The following HEXB variants were observed in gnomAD, a reference collection of about 807,000 sequenced individuals.
The protein encoded by HEXB is hexosaminidase subunit beta, also known as beta-hexosaminidase subunit beta.
In HEXB, 51 loss-of-function variants were observed where a neutral mutation model predicts 71.2. That is an observed-to-expected ratio of 0.72 (90% CI 0.57 to 0.90). HEXB has a LOEUF of 0.90. Among genes scored for constraint, HEXB ranks in the 40% least tolerant of loss-of-function variants. The probability of loss-of-function intolerance (pLI) is 0.00; values close to 1 mark genes in which losing one functional copy is unlikely to be tolerated. For missense variants in HEXB, 617 were observed against 677.0 expected (o/e 0.91, Z 0.98); for synonymous variants, 266 against 249.3 (o/e 1.07, Z -0.63).
At chr5:74,678,884 G>T (rs1189373998) in intron 1 of HEXB, among the ~76,000 whole-genome samples, 1 of 152,128 alleles carries the variant, frequency 6.6e-6, no homozygotes, top group Non-Finnish European at 1.5e-5. Context: ...GGCAAAAAAG[G>T]TTCTTAGTAG....
intron 2 of HEXB, among the ~76,000 whole-genome samples, chr5:74,691,451 G>A (rs533607347): frequency 4.0e-4 from 61 of 152,280 alleles, no homozygotes; most frequent in Admixed American, 1.5e-3. Context: ...AATACATCTT[G>A]TCAATCTATA....
rs1454896553 is a variant in HEXB at position 74,718,347 on chromosome 5, T to C, written c.1226T>C (p.Phe409Ser). The C allele has an allele frequency of 6.2e-7, 1 of 1,611,324 alleles. No individual in the cohort carries two copies. Among genetic ancestry groups the C allele is most frequent in the South Asian group, 1.1e-5 (1 of 91,046 alleles). Residue 409 changes from phenylalanine (F) to serine (S), a missense_variant, in exon 10 of 14, where the codon TTT becomes TCT. By Grantham distance (155) the Phe-to-Ser change is radical. Transcript: ENST00000261416. The stretch of plus-strand genomic sequence containing the variant: ...GGATCCATTGTCTGGCAGGAGGTTT[T>C]TGATGATAAAGCAAAGGTGAGCATT... ...NKGSIVWQEV[F>S]DDKAKLAPGT...
chr5:74,654,144 T>A (rs1008452531), intron 1 of HEXB, among the ~76,000 whole-genome samples: 54 of 152,140 alleles, frequency 3.5e-4, no homozygotes, highest in Non-Finnish European at 7.4e-5. Context: ...TAGGTGCTCC[T>A]GAGTGTGAGG....
intron 1 of HEXB, among the ~76,000 whole-genome samples, chr5:74,673,965 G>A (rs938795666): frequency 6.6e-6 from 1 of 152,070 alleles, no homozygotes; most frequent in Admixed American, 6.5e-5. Flanking sequence ...AATCAAAAGG[G>A]TCAGAATTTA....
At chr5:74,645,720 C>T (rs1364655864) in intron 1 of HEXB, among the ~76,000 whole-genome samples, 2 of 152,180 alleles carry the variant, frequency 1.3e-5, no homozygotes, top group Non-Finnish European at 2.9e-5. Context: ...GTGATCTAGA[C>T]TGCTTATGTT....
At chr5:74,655,495 TG>T (rs1748202311) in intron 1 of HEXB, among the ~76,000 whole-genome samples, 1 of 151,804 alleles carries the variant, frequency 6.6e-6, no homozygotes, top group Non-Finnish European at 1.5e-5. Flanking sequence ...TTTTTTTGTT[TG>T]TTTTTTTAAA....
chr5:74,660,285 T>C lies in HEXB; in HGVS notation c.-377+19727T>C, dbSNP rs191306396. 3.0e-3 allele frequency among the ~76,000 whole-genome samples: 463 copies of C among 152,338 alleles called. 3 individuals carry two copies. The highest frequency in any genetic ancestry group is 0.014 in the Middle Eastern group (4 of 294). ...AAGCCAACGATTACAATCCTGTTCC[T>C]GTTACCAGGCAGTTGATTTCCCAGC... On this transcript the variant is annotated intron_variant, in intron 1 of 13. Transcript: ENST00000511181.
chr5:74,643,892 C>A (rs753305161), intron 1 of HEXB, among the ~76,000 whole-genome samples: 1 of 152,178 alleles, frequency 6.6e-6, no homozygotes, highest in Non-Finnish European at 1.5e-5. Context: ...TCCAAAAGCG[C>A]CCTCTTTGTT....
chr5:74,654,102 T>G (rs781142032), intron 1 of HEXB, among the ~76,000 whole-genome samples: 4 of 152,156 alleles, frequency 2.6e-5, no homozygotes, highest in Non-Finnish European at 5.9e-5. Flanking sequence ...CCCAAGATCA[T>G]TCTTGTGGAC....
chr5:74,706,578 G>A (rs6870609), intron 6 of HEXB, among the ~76,000 whole-genome samples: 3,410 of 152,272 alleles, frequency 0.022, 125 homozygotes, highest in African/African-American at 0.078. Context: ...CGGGAAAATC[G>A]GGTCACTCCC....
chr5:74,713,645 T>A lies in HEXB; in HGVS notation c.901+10T>A. 6.2e-7 allele frequency: 1 copy of A among 1,607,308 alleles called. No homozygotes were observed. Among genetic ancestry groups the A allele is most frequent in the Non-Finnish European group, 8.5e-7 (1 of 1,173,990 alleles). On this transcript the variant is annotated intron_variant, in intron 7 of 13. Transcript: ENST00000261416. ...CTATCTTGGGGAAAAGGTAAGGAGT[T>A]GTATTTTATTTCATTTTATCTTATT...
rs1248023809 is a variant in HEXB at position 74,694,907 on chromosome 5, T to C, written c.511+1203T>C. Among the ~76,000 whole-genome samples, 4 of 151,482 alleles carry C rather than the reference T, an allele frequency of 2.6e-5. No homozygotes were observed. In the East Asian group the frequency reaches 7.8e-4, roughly 30 times the overall value. On this transcript the variant is annotated intron_variant, in intron 3 of 13. Transcript: ENST00000261416. ...ATTGCTTGAACCTGGGAGAGGGAGG[T>C]TGCAGTGAGCTGAGCTGGCACCACT... is the stretch of plus-strand genomic sequence containing the variant.
chr5:74,703,251 C>T (rs772511319), intron 5 of HEXB, among the ~76,000 whole-genome samples: 32 of 152,354 alleles, frequency 2.1e-4, no homozygotes, highest in Admixed American at 8.5e-4. Flanking sequence ...CTGTGCCCAG[C>T]CACTTTCCTT....
intron 7 of HEXB, among the ~76,000 whole-genome samples, chr5:74,714,132 G>T (rs1749619827): frequency 6.6e-6 from 1 of 152,202 alleles, no homozygotes; most frequent in African/African-American, 2.4e-5. Context: ...ACTGCGCCTG[G>T]CCAGGAGTTG....
At chr5:74,673,029 G>A (rs1748567047) in intron 1 of HEXB, among the ~76,000 whole-genome samples, 1 of 151,948 alleles carries the variant, frequency 6.6e-6, no homozygotes, top group Non-Finnish European at 1.5e-5. Context: ...CTTGGTACTT[G>A]GTCTGCATTA....
rs1480693920 is a variant in HEXB, at chr5:74,708,939, A to G, written c.771+3619A>G. On this transcript the variant is annotated intron_variant, in intron 6 of 13. Coordinates refer to ENST00000261416, the MANE Select transcript of HEXB (RefSeq NM_000521.4). ...ATTGAACTCAGCTCTGCACCAAGTGAACCTAATAGACATCTACAGAACTCT... is the reference window on the plus strand; with the variant it reads ...ATTGAACTCAGCTCTGCACCAAGTGGACCTAATAGACATCTACAGAACTCT... 2.0e-5 allele frequency among the ~76,000 whole-genome samples: 3 copies of G among 152,268 alleles called. No individual in the cohort carries two copies. The East Asian group carries it at 5.8e-4, about 29-fold the overall frequency.
At chr5:74,668,940 G>T (rs1034733644) in intron 1 of HEXB, among the ~76,000 whole-genome samples, 1 of 152,060 alleles carries the variant, frequency 6.6e-6, no homozygotes, top group African/African-American at 2.4e-5. Context: ...ATGTTTATTG[G>T]TTTGTGCGGG....
intron 1 of HEXB, among the ~76,000 whole-genome samples, chr5:74,651,235 A>G (rs1216122541): frequency 6.6e-6 from 1 of 152,220 alleles, no homozygotes; most frequent in East Asian, 1.9e-4. Context: ...TATTTGCTAA[A>G]TGGTGGCATT....
At chr5:74,689,804 C>T (rs1748956879) in intron 2 of HEXB, 1 of 264,852 alleles carries the variant, frequency 3.8e-6, no homozygotes, top group Admixed American at 5.0e-5. Context: ...TAAGCATTGA[C>T]ATGAAAATGG....
Sources: allele counts gnomAD v4.1 joint callset (sites outside exome capture counted in the v4.1 genomes callset), GRCh38; gene constraint gnomAD v4.1.1; transcripts MANE v1.5; gene names NCBI Gene and HGNC (gene_info 2026-07-23, HGNC 2026-07-21).